CTNND1: variants seen among roughly 807,000 people sequenced by gnomAD.
The protein encoded by CTNND1 is catenin delta-1.
Under a neutral mutation model 112.1 loss-of-function variants are expected in CTNND1, and 16 were observed. The observed-to-expected ratio is 0.14, with a 90% CI of 0.10 to 0.22. The LOEUF is 0.22. Ranked by LOEUF, CTNND1 falls within the 10% of genes least tolerant of loss-of-function variation. The pLI is 1.00. For missense variants in CTNND1, 1,008 were observed against 1,257.0 expected (o/e 0.80, Z 3.00); for synonymous variants, 420 against 446.5 (o/e 0.94, Z 0.75).
chr11:57,810,580 C>G lies in CTNND1; in HGVS notation c.2550+357C>G, dbSNP rs184101521. ...CTGAGCTTAGGCAACCTGCCTCGGC[C>G]TCCCAAAGTGCTAGGATTACAGGCA... On this transcript the variant is annotated intron_variant, in intron 16 of 20. Transcript: ENST00000399050. 2.4e-3 allele frequency among the ~76,000 whole-genome samples: 362 copies of G among 152,164 alleles called. 3 individuals carry two copies. Among genetic ancestry groups the G allele is most frequent in the South Asian group, 6.4e-3 (31 of 4,822 alleles).
chr11:57,814,159 T>C, intron 17 of CTNND1, 152 bp from the exon 18 acceptor site: 1 of 623,124 alleles, frequency 1.6e-6, no homozygotes, highest in Non-Finnish European at 2.9e-6. Flanking sequence ...TACAAAAAGC[T>C]TAAAAATTAT....
chr11:57,766,851 C>T (rs976040714), intron 1 of CTNND1, among the ~76,000 whole-genome samples: 8 of 152,066 alleles, frequency 5.3e-5, no homozygotes, highest in Admixed American at 2.0e-4. Flanking sequence ...ATTCAGGGAT[C>T]GTGTTCCCTG....
chr11:57,765,851 G>A (rs1309824563), intron 1 of CTNND1, among the ~76,000 whole-genome samples: 1 of 152,046 alleles, frequency 6.6e-6, no homozygotes, highest in Admixed American at 6.6e-5. Flanking sequence ...TCCTTTCTTG[G>A]CAAGTGGTAC....
intron 1 of CTNND1, among the ~76,000 whole-genome samples, chr11:57,786,552 A>T (rs1290676246): frequency 6.6e-6 from 1 of 152,120 alleles, no homozygotes; most frequent in Non-Finnish European, 1.5e-5. Context: ...AATAAATAAA[A>T]AATGTAAGTG....
chr11:57,790,552 G>GTGT lies in CTNND1; in HGVS notation c.-94-832_-94-831insGTT, dbSNP rs1555049392. Among the ~76,000 whole-genome samples, 167 of 60,676 alleles carry GTGT rather than the reference G, an allele frequency of 2.8e-3. 10 individuals carry two copies. Among genetic ancestry groups the GTGT allele is most frequent in the East Asian group, 0.015 (29 of 1,976 alleles). The allele number at this position is 60,676 out of a possible 152,430, so 39.8% of individuals were successfully genotyped here. ...CCCGGCTAATTTTGTCTGTGTGTGT[G>GTGT]TTTTTTTTTTTTTTTTTTTTTTTGA... On this transcript the variant is annotated intron_variant, in intron 2 of 20. Transcript: ENST00000399050.
chr11:57,809,184 A>G (rs374253949), intron 14 of CTNND1, 90 bp from the exon 15 acceptor site: 4 of 922,322 alleles, frequency 4.3e-6, no homozygotes, highest in East Asian at 4.8e-5. Context: ...CAGCACCTAC[A>G]CTTGATATGA....
At chr11:57,803,305 G>T (rs1169338684) in intron 7 of CTNND1, among the ~76,000 whole-genome samples, 1 of 152,148 alleles carries the variant, frequency 6.6e-6, no homozygotes, top group East Asian at 1.9e-4. Flanking sequence ...AGCCAGGATG[G>T]TCTTGATCTC....
chr11:57,806,403 G>T (rs769492545), intron 10 of CTNND1, 58 bp from the exon 11 acceptor site: 12 of 1,481,776 alleles, frequency 8.1e-6, no homozygotes, highest in Non-Finnish European at 1.1e-5. Flanking sequence ...TCTTTCTCCT[G>T]CATTTTTCTT....
In CTNND1 at chr11:57,817,097, C is replaced by G. The variant is rs527275670; in HGVS notation, c.*789C>G. On this transcript the variant is annotated 3_prime_UTR_variant, in exon 21 of 21. Transcript: ENST00000399050. ...AGTTGGCCTGGCCATTTCCAAGAGG[C>G]TGTAGAAAGGGGAGAATGTCAAGGA... The G allele has an allele frequency of 6.5e-6, 1 of 153,022 alleles. No individual in the cohort carries two copies. The highest frequency in any genetic ancestry group is 2.1e-4 in the South Asian group (1 of 4,828). 9.5% of individuals were successfully genotyped at this position (153,022 alleles called of 1,614,324 possible).
intron 7 of CTNND1, among the ~76,000 whole-genome samples, chr11:57,803,397 C>T (rs2062255891): frequency 6.6e-6 from 1 of 152,130 alleles, no homozygotes; most frequent in African/African-American, 2.4e-5. Flanking sequence ...CTGAGCGTTG[C>T]TTATAGTTAA....
Position 57,789,042 on chromosome 11 carries a change from T to C in CTNND1, c.-208T>C. ...TCCTTCAAATATTTCTGCAGCTCTC[T>C]CCTTCCTGCTTCCTCCTTGCTGTGG... is the stretch of plus-strand genomic sequence containing the variant. On this transcript the variant is annotated 5_prime_UTR_variant, in exon 2 of 21. Transcript: ENST00000399050. 1 of 1,535,074 alleles carries C rather than the reference T, an allele frequency of 6.5e-7. No homozygotes were observed. Among genetic ancestry groups the C allele is most frequent in the South Asian group, 1.2e-5 (1 of 84,060 alleles).
chr11:57,778,212 CTT>C (rs1156867335), intron 1 of CTNND1, among the ~76,000 whole-genome samples: 1 of 151,928 alleles, frequency 6.6e-6, no homozygotes, highest in Admixed American at 6.6e-5. Flanking sequence ...AGTCCGCTGC[CTT>C]TGTTTGTTCT....
Position 57,801,973 on chromosome 11 carries a change from G to A in CTNND1, c.1197G>A (p.Lys399=), listed in dbSNP as rs776908200. Residue 399 remains lysine, a synonymous_variant, in exon 7 of 21, where the codon AAG becomes AAA. Coordinates refer to ENST00000399050, the MANE Select transcript of CTNND1 (RefSeq NM_001085458.2). ...AACACTTATGCTACCGCAATGACAA[G>A]GTGAAGACTGACGTGCGGAAGCTCA... is the stretch of plus-strand genomic sequence containing the variant. ...YLQHLCYRND[K]VKTDVRKLKG... is the part of the protein sequence containing the mutation. The A allele has an allele frequency of 8.7e-6, 14 of 1,613,946 alleles. No homozygotes were observed. In the South Asian group the frequency reaches 9.9e-5, roughly 11 times the overall value.
intron 3 of CTNND1, chr11:57,793,300 C>T (rs1344550285): frequency 6.6e-6 from 1 of 151,986 alleles, no homozygotes; most frequent in African/African-American, 2.4e-5. Flanking sequence ...CTGCTTAAGA[C>T]AGAGCAACTT....
At chr11:57,797,484 G>C (rs1213407221) in intron 6 of CTNND1, among the ~76,000 whole-genome samples, 1 of 142,654 alleles carries the variant, frequency 7.0e-6, no homozygotes, top group Non-Finnish European at 1.5e-5. Flanking sequence ...ACCCGCCTTG[G>C]CCTCCAAAAG....
At chr11:57,804,077 G>T in intron 8 of CTNND1, 1 of 281,046 alleles carries the variant, frequency 3.6e-6, no homozygotes, top group African/African-American at 2.2e-5. Flanking sequence ...CTTTTGTTCA[G>T]CATCTACCAC....
At chr11:57,813,101 C>CA (rs1280944633) in intron 17 of CTNND1, among the ~76,000 whole-genome samples, 1 of 152,060 alleles carries the variant, frequency 6.6e-6, no homozygotes. Flanking sequence ...GAGACTGAGG[C>CA]AGGAGGATCA....
In CTNND1 at chr11:57,775,348, A is replaced by AACAC. The variant is rs147874424; in HGVS notation, c.-214+13247_-214+13250dup. Among the ~76,000 whole-genome samples, 912 of 141,540 alleles carry AACAC rather than the reference A, an allele frequency of 6.4e-3. 5 individuals carry two copies. The highest frequency in any genetic ancestry group is 9.1e-3 in the Non-Finnish European group (588 of 64,522). The allele number at this position is 141,540 out of a possible 152,430, so 92.9% of individuals were successfully genotyped here. The stretch of plus-strand genomic sequence containing the variant: ...CCCCGTCTCGAAAAAAAAAAAAAAC[A>AACAC]ACACACACACACACACACACAAAAC... On this transcript the variant is annotated intron_variant, in intron 1 of 20. Transcript: ENST00000399050.
chr11:57,776,737 T>C (rs1429922326), intron 1 of CTNND1, among the ~76,000 whole-genome samples: 1 of 152,214 alleles, frequency 6.6e-6, no homozygotes, highest in Non-Finnish European at 1.5e-5. Context: ...ACTTGTCGTC[T>C]TCCCTCCCTC....
Sources: gnomAD v4.1 joint callset for allele counts (sites outside exome capture counted in the v4.1 genomes callset) on GRCh38, gnomAD v4.1.1 for gene constraint, MANE v1.5 for transcripts, NCBI Gene and HGNC (gene_info 2026-07-23, HGNC 2026-07-21) for gene names.